Variants in EPN1 observed in about 807,000 individuals in gnomAD.
EPN1 encodes the protein epsin-1.
EPN1 carries 25 observed loss-of-function variants against 56.9 expected under a neutral mutation model. That is an observed-to-expected ratio of 0.44 (90% CI 0.32 to 0.61). The LOEUF is 0.61. Ranked by LOEUF, EPN1 falls within the 20% of genes least tolerant of loss-of-function variation. The pLI is 0.05. For missense variants in EPN1, 785 were observed against 823.7 expected, an observed-to-expected ratio of 0.95 and a Z score of 0.58; for synonymous variants, 411 against 361.8, an observed-to-expected ratio of 1.14 and a Z score of -1.54.
Position 55,700,246 on chromosome 19 carries a change from C to T in EPN1, c.*4890C>T, listed in dbSNP as rs1318511226. On this transcript the variant is annotated 3_prime_UTR_variant, in exon 11 of 11. Coordinates refer to ENST00000270460, the MANE Select transcript of EPN1 (RefSeq NM_001130072.2). ...CCCATAAAGCACTATTTAATGACTG[C>T]TCCATAAATACAAACTTCCTTTCCT... 6.8e-6 allele frequency: 1 copy of T among 147,784 alleles called. No individual in the cohort carries two copies. Among genetic ancestry groups the T allele is most frequent in the Non-Finnish European group, 1.5e-5 (1 of 67,628 alleles). The allele number at this position is 147,784 out of a possible 1,614,324, so 9.2% of individuals were successfully genotyped here. A position where few individuals can be genotyped will look rare whatever the true frequency, so the allele number is the denominator to read the frequency against.
chr19:55,702,863 C>T lies in EPN1; in HGVS notation c.*7507C>T, dbSNP rs8104085. 0.26 allele frequency: 39,154 copies of T among 151,360 alleles called. 6,307 individuals are homozygous for T. Among genetic ancestry groups the T allele is most frequent in the African/African-American group, 0.45 (18,624 of 41,198 alleles). 9.4% of individuals were successfully genotyped at this position (151,360 alleles called of 1,614,324 possible). On this transcript the variant is annotated 3_prime_UTR_variant, in exon 11 of 11. Transcript: ENST00000270460. ...AGGCTGGAGTGCAGTGGTGCGATCT[C>T]GGCTCACTGCAAGCTCCACCTCCCG... is the stretch of plus-strand genomic sequence containing the variant.
chr19:55,678,592 G>A lies in EPN1; in HGVS notation c.-36G>A, dbSNP rs773713771. ...GAGTCGCCCCATCTCTCCACGCATC[G>A]GGGCCCTGTGCCCCTTGCTGCTGCA... On this transcript the variant is annotated 5_prime_UTR_variant, in exon 2 of 11. Coordinates refer to ENST00000270460, the MANE Select transcript of EPN1 (RefSeq NM_001130072.2). 14 of 1,579,514 alleles carry A rather than the reference G, an allele frequency of 8.9e-6. No homozygotes were observed. Among genetic ancestry groups the A allele is most frequent in the African/African-American group, 1.3e-5 (1 of 74,112 alleles).
Position 55,702,050 on chromosome 19 carries a change from C to G in EPN1, c.*6694C>G, listed in dbSNP as rs1987168488. The G allele has an allele frequency of 1.3e-5, 2 of 150,288 alleles. No homozygotes were observed. Among genetic ancestry groups the G allele is most frequent in the Non-Finnish European group, 2.9e-5 (2 of 68,022 alleles). The allele number at this position is 150,288 out of a possible 1,614,324, so 9.3% of individuals were successfully genotyped here. A position where few individuals can be genotyped will look rare whatever the true frequency, so the allele number is the denominator to read the frequency against. On this transcript the variant is annotated 3_prime_UTR_variant, in exon 11 of 11. Coordinates refer to ENST00000270460, the MANE Select transcript of EPN1 (RefSeq NM_001130072.2). ...CATCTTGGCTCACTGCAACCTCCGC[C>G]TCCCAGGTTCAAGCAATTCTCGTGC...
In EPN1 at chr19:55,706,539, C is replaced by G. The variant is rs547221672; in HGVS notation, c.*11183C>G. 5 of 151,952 alleles carry G rather than the reference C, an allele frequency of 3.3e-5. No homozygotes were observed. Among genetic ancestry groups the G allele is most frequent in the East Asian group, 1.9e-4 (1 of 5,168 alleles). The allele number at this position is 151,952 out of a possible 1,614,324, so 9.4% of individuals were successfully genotyped here. On this transcript the variant is annotated 3_prime_UTR_variant, in exon 11 of 11. Coordinates refer to ENST00000270460, the MANE Select transcript of EPN1 (RefSeq NM_001130072.2). ...TGATGGCAGATGCCTGTAATCTCAGCTCCTCAGTAGGCTAAGGCGGGAGAA... is the reference window on the plus strand; with the variant it reads ...TGATGGCAGATGCCTGTAATCTCAGGTCCTCAGTAGGCTAAGGCGGGAGAA...
rs1475866100 is a variant in EPN1, at chr19:55,707,694, T to C, written c.*12338T>C. The C allele has an allele frequency of 3.9e-5, 6 of 154,666 alleles. No homozygotes were observed. The highest frequency in any genetic ancestry group is 1.4e-4 in the African/African-American group (6 of 41,550). The allele number at this position is 154,666 out of a possible 1,614,324, so 9.6% of individuals were successfully genotyped here. ...TGCCATTCTGTTCTTCCATAATATC[T>C]TTCCCATCTTGACTGAGCATCAAAT... On this transcript the variant is annotated 3_prime_UTR_variant, in exon 11 of 11. Coordinates refer to ENST00000270460, the MANE Select transcript of EPN1 (RefSeq NM_001130072.2).
Position 55,700,566 on chromosome 19 carries a change from TACAAAC to T in EPN1, c.*5211_*5216del, listed in dbSNP as rs1987094938. On this transcript the variant is annotated 3_prime_UTR_variant, in exon 11 of 11. Coordinates refer to ENST00000270460, the MANE Select transcript of EPN1 (RefSeq NM_001130072.2). ...TGAGCCACGGCACCCGGCCCATAATTACAAACTTTCTGAGGGACATCTTGAAGCACA... is the reference window on the plus strand; with the variant it reads ...TGAGCCACGGCACCCGGCCCATAATTTTTCTGAGGGACATCTTGAAGCACA... 12 of 152,112 alleles carry T rather than the reference TACAAAC, an allele frequency of 7.9e-5. No individual in the cohort carries two copies. The highest frequency in any genetic ancestry group is 2.4e-4 in the African/African-American group (10 of 41,348). The allele number at this position is 152,112 out of a possible 1,614,324, so 9.4% of individuals were successfully genotyped here.
intron 1 of EPN1, chr19:55,677,471 T>G (rs1985513846): frequency 2.5e-6 from 2 of 785,894 alleles, no homozygotes. Context: ...GTATGAGTTT[T>G]GGAGTTCAGG....
chr19:55,706,992 T>G lies in EPN1; in HGVS notation c.*11636T>G, dbSNP rs1987455237. 6.6e-6 allele frequency: 1 copy of G among 152,122 alleles called. No homozygotes were observed. The highest frequency in any genetic ancestry group is 6.5e-5 in the Admixed American group (1 of 15,268). 9.4% of individuals were successfully genotyped at this position (152,122 alleles called of 1,614,324 possible). A position where few individuals can be genotyped will look rare whatever the true frequency, so the allele number is the denominator to read the frequency against. On this transcript the variant is annotated 3_prime_UTR_variant, in exon 11 of 11. Transcript: ENST00000270460. ...GAGTTTGAGACCAGCCTGACCAACA[T>G]GGCAAAACCCCATCTCTACTAAAAA...
intron 1 of EPN1, chr19:55,677,322 A>T: frequency 1.3e-6 from 1 of 773,550 alleles, no homozygotes; most frequent in Non-Finnish European, 2.3e-6. Context: ...GAGTTAATAC[A>T]TGTAAAGCAC....
At chr19:55,686,229 C>T (rs1040416933) in intron 3 of EPN1, among the ~76,000 whole-genome samples, 3 of 152,224 alleles carry the variant, frequency 2.0e-5, no homozygotes, top group African/African-American at 7.2e-5. Context: ...AGATCTGTCC[C>T]ACGAAACATT....
chr19:55,678,766 A>G lies in EPN1; in HGVS notation c.139A>G (p.Thr47Ala). Residue 47 changes from threonine (T) to alanine (A), a missense_variant, in exon 2 of 11, where the codon ACC becomes GCC. This residue lies in a region of EPN1 where 135 missense variants were observed against 218.7 expected (regional missense o/e 0.62). Coordinates refer to ENST00000270460, the MANE Select transcript of EPN1 (RefSeq NM_001130072.2). Reference sequence around the variant, plus strand: ...CCTCATGTCAGAGATTGCCGACCTCACCTACAACGTTGTCGCCTTCTCGGA... The same window carrying G: ...CCTCATGTCAGAGATTGCCGACCTCGCCTACAACGTTGTCGCCTTCTCGGA... ...SSLMSEIADL[T>A]YNVVAFSEIM... 1 of 1,614,042 alleles carries G rather than the reference A, an allele frequency of 6.2e-7. No individual in the cohort carries two copies. The highest frequency in any genetic ancestry group is 8.5e-7 in the Non-Finnish European group (1 of 1,179,972).
rs1986530159 is a variant in EPN1 at position 55,691,295 on chromosome 19, G to C, written c.763-459G>C. Among the ~76,000 whole-genome samples, 1 of 152,110 alleles carries C rather than the reference G, an allele frequency of 6.6e-6. No individual in the cohort carries two copies. Among genetic ancestry groups the C allele is most frequent in the Non-Finnish European group, 1.5e-5 (1 of 68,024 alleles). On this transcript the variant is annotated intron_variant, in intron 6 of 10. Coordinates refer to ENST00000270460, the MANE Select transcript of EPN1 (RefSeq NM_001130072.2). The surrounding 1 kb of genome is among the most constrained non-coding windows in gnomAD (Gnocchi z 5.6). ...CTCAGGTTGACCTGAGTGGGTTCATGGGGGGCTTCCCAGGGGAAGGCATGG... is the reference window on the plus strand; with the variant it reads ...CTCAGGTTGACCTGAGTGGGTTCATCGGGGGCTTCCCAGGGGAAGGCATGG...
At chr19:55,693,977 A>C (rs563362565) in intron 9 of EPN1, 1 of 152,316 alleles carries the variant, frequency 6.6e-6, no homozygotes, top group Non-Finnish European at 1.5e-5. Context: ...GCACTTTGGA[A>C]GCTCGAGGTG....
In EPN1 at chr19:55,705,801, G is replaced by A. The variant is rs1333983973; in HGVS notation, c.*10445G>A. The A allele has an allele frequency of 3.8e-5, 3 of 78,300 alleles. No individual in the cohort carries two copies. Among genetic ancestry groups the A allele is most frequent in the African/African-American group, 2.2e-4 (3 of 13,888 alleles). The allele number at this position is 78,300 out of a possible 1,614,324, so 4.9% of individuals were successfully genotyped here. On this transcript the variant is annotated 3_prime_UTR_variant, in exon 11 of 11. Coordinates refer to ENST00000270460, the MANE Select transcript of EPN1 (RefSeq NM_001130072.2). ...TGACATTGTGGCTGGAATATTTGTT[G>A]TTGTGGGATATATATATATATATAT...
At position 55,689,143 on chromosome 19, in the gene EPN1, C is replaced by T. The variant is rs1600104446; in HGVS notation, c.603+149C>T. 6.4e-6 allele frequency: 8 copies of T among 1,248,490 alleles called. No homozygotes were observed. In the East Asian group the frequency reaches 1.8e-4, roughly 28 times the overall value. The allele number at this position is 1,248,490 out of a possible 1,614,324, so 77.3% of individuals were successfully genotyped here. ...CCTCCCCAGTCCTGCCTCATCCTCA[C>T]CCCGCCGTCCCTCTGCGTGTCACTC... On this transcript the variant is annotated intron_variant, in intron 4 of 10. Coordinates refer to ENST00000270460, the MANE Select transcript of EPN1 (RefSeq NM_001130072.2). This position sits in a 1 kb window ranked among gnomAD's most constrained non-coding sequence, Gnocchi z 5.7.
intron 2 of EPN1, among the ~76,000 whole-genome samples, chr19:55,683,422 GCTCA>G (rs1170006283): frequency 1.2e-4 from 18 of 152,040 alleles, no homozygotes; most frequent in Non-Finnish European, 2.1e-4. Context: ...CGTGCTCTTG[GCTCA>G]CTATCACCTC....
chr19:55,686,196 G>A (rs1022964926), intron 3 of EPN1, among the ~76,000 whole-genome samples: 3 of 152,232 alleles, frequency 2.0e-5, no homozygotes, highest in Admixed American at 2.0e-4. Flanking sequence ...ACTTGAAATA[G>A]TGCATCCCAC....
At chr19:55,692,142 C>G (rs575163642) in intron 7 of EPN1, 85 bp downstream of exon 7, 2 of 1,305,088 alleles carry the variant, frequency 1.5e-6, no homozygotes, top group East Asian at 3.0e-5. Flanking sequence ...AGGGACAGAT[C>G]GAGCCAGTGG....
rs1160678212 is a variant in EPN1, at chr19:55,694,947, C to T, written c.1486C>T (p.Pro496Ser). 2.6e-6 allele frequency: 4 copies of T among 1,559,360 alleles called. No individual in the cohort carries two copies. Among genetic ancestry groups the T allele is most frequent in the Non-Finnish European group, 3.5e-6 (4 of 1,152,698 alleles). The change falls in exon 10 of 11, where the codon CCT (proline) becomes TCT (serine). Residue 496 changes from proline to serine, a missense_variant. This residue lies in a region of EPN1 where 650 missense variants were observed against 605.0 expected (regional missense o/e 1.07). Coordinates refer to ENST00000270460, the MANE Select transcript of EPN1 (RefSeq NM_001130072.2). The surrounding 1 kb of genome is among the most constrained non-coding windows in gnomAD (Gnocchi z 4.2). ...GGTGAGCCGGCCGGGCCCCACGCCG[C>T]CTGGAGCCAAGGCCTCCAACCCCTT... ...SLVSRPGPTP[P>S]GAKASNPFLP...
Sources: gnomAD v4.1 joint callset for allele counts (sites outside exome capture counted in the v4.1 genomes callset) on GRCh38, gnomAD v4.1.1 for gene constraint, gnomAD v4.1.1 regional missense constraint, Gnocchi (gnomAD v3.1) non-coding constraint, MANE v1.5 for transcripts, NCBI Gene and HGNC (gene_info 2026-07-23, HGNC 2026-07-21) for gene names.